Variants in SPC25 observed in about 807,000 individuals in gnomAD.
The protein encoded by SPC25 is SPC25 component of NDC80 kinetochore complex.
A neutral mutation model predicts 29.6 loss-of-function variants in SPC25; 22 were observed. That is an observed-to-expected ratio of 0.74 (90% confidence interval 0.53 to 1.06). SPC25 has a LOEUF of 1.06. SPC25 is among the 50% of genes least tolerant of loss of function. The pLI, the probability that SPC25 is intolerant of heterozygous loss-of-function variation, is 0.00. For synonymous variants in SPC25, 91 were observed against 90.4 expected, an observed-to-expected ratio of 1.01 and a Z score of -0.04; for missense variants, 230 against 255.8, an observed-to-expected ratio of 0.90 and a Z score of 0.69.
intron 4 of SPC25, chr2:168,865,057 A>T: frequency 6.9e-7 from 1 of 1,441,064 alleles, no homozygotes; most frequent in Non-Finnish European, 9.5e-7. Flanking sequence ...TTACCTTTAC[A>T]TGTTTTTCTT....
At chr2:168,862,154 A>AAATC (rs1348877538) in intron 4 of SPC25, 1 of 929,020 alleles carries the variant, frequency 1.1e-6, no homozygotes, top group African/African-American at 1.6e-5. Flanking sequence ...CTACCATGTC[A>AAATC]AATCAGTTCA....
Position 168,863,310 on chromosome 2 carries a change from A to G in SPC25, n.419+10275T>C, listed in dbSNP as rs900339597. ...AGACCGAGAATAATGTCCTTTAAGA[A>G]TAGTGATTTATGACTAAGAAAATGT... On this transcript the variant is annotated intron_variant and non_coding_transcript_variant, in intron 4 of 4. Coordinates refer to the SPC25 transcript ENST00000479309. The G allele has an allele frequency of 1.0e-5, 7 of 686,824 alleles. No individual in the cohort carries two copies. The African/African-American group carries it at 1.2e-4, about 11-fold the overall frequency. The allele number at this position is 686,824 out of a possible 1,614,324, so 42.5% of individuals were successfully genotyped here.
Position 168,871,569 on chromosome 2 carries a change from A to G in SPC25, c.551-14T>C. On this transcript the variant is annotated splice_polypyrimidine_tract_variant and intron_variant, in intron 6 of 6. Coordinates refer to ENST00000282074, the MANE Select transcript of SPC25 (RefSeq NM_020675.4). ...CACTATCTGACACTAGAAAAAAAAA[A>G]AAAAGAAATCAAAGACAATTAGAAT... is the stretch of plus-strand genomic sequence containing the variant. 6.4e-7 allele frequency: 1 copy of G among 1,556,026 alleles called. No individual in the cohort carries two copies. Among genetic ancestry groups the G allele is most frequent in the Non-Finnish European group, 8.6e-7 (1 of 1,159,108 alleles).
intron 3 of SPC25, among the ~76,000 whole-genome samples, chr2:168,887,255 T>C (rs113060280): frequency 0.021 from 3,217 of 151,972 alleles, 79 homozygotes; most frequent in African/African-American, 0.057. Flanking sequence ...ACCCCATCTC[T>C]ACTAAAAATA....
At chr2:168,885,682 A>T (rs963939284) in intron 3 of SPC25, among the ~76,000 whole-genome samples, 1 of 152,194 alleles carries the variant, frequency 6.6e-6, no homozygotes, top group African/African-American at 2.4e-5. Context: ...CCCTCTTCCC[A>T]GAATGTAATG....
intron 4 of SPC25, among the ~76,000 whole-genome samples, chr2:168,876,600 C>CTT (rs34758857): frequency 0.78 from 111,332 of 142,738 alleles, 43,511 homozygotes; most frequent in East Asian, 0.9. Flanking sequence ...TTAGTTTTTT[C>CTT]TTTTTTTTTT....
intron 4 of SPC25, chr2:168,863,540 A>G: frequency 2.0e-6 from 2 of 985,290 alleles, no homozygotes; most frequent in African/African-American, 1.7e-5. Flanking sequence ...CCAATTCTCT[A>G]TGGAATTCTC....
At chr2:168,877,118 T>C (rs1380016539) in intron 4 of SPC25, 120 bp downstream of exon 4, 58 of 1,024,486 alleles carry the variant, frequency 5.7e-5, no homozygotes, top group Non-Finnish European at 7.4e-5. Context: ...TGGCTGGTTA[T>C]GCCCTGGGGT....
chr2:168,876,215 A>C (rs777840363), intron 4 of SPC25, 39 bp from the exon 5 acceptor site: 25 of 1,341,604 alleles, frequency 1.9e-5, no homozygotes. Flanking sequence ...TGTTTTAAAT[A>C]ATAGCAAATT....
chr2:168,866,198 C>T (rs1226749110), downstream of SPC25, among the ~76,000 whole-genome samples: 1 of 152,308 alleles, frequency 6.6e-6, no homozygotes, highest in Non-Finnish European at 1.5e-5. Context: ...AAGCCAGAGG[C>T]ATCACGCTAC....
chr2:168,886,050 C>CTT (rs66484575), intron 3 of SPC25, among the ~76,000 whole-genome samples: 81 of 97,076 alleles, frequency 8.3e-4, no homozygotes, highest in South Asian at 3.4e-3. Flanking sequence ...CGAATACAAT[C>CTT]TTTTTTTTTT....
chr2:168,881,459 T>C (rs1559155962), intron 3 of SPC25, among the ~76,000 whole-genome samples: 2 of 152,122 alleles, frequency 1.3e-5, no homozygotes, highest in Admixed American at 6.5e-5. Flanking sequence ...TTGGGGCCCA[T>C]TGCACAGAGA....
Position 168,862,066 on chromosome 2 carries a change from A to C in SPC25, n.419+11519T>G. ...TGGAAAAGGGTAAGAATCATTCTCA[A>C]ATATTTTAATTGCCTTCCCATATTG... On this transcript the variant is annotated intron_variant and non_coding_transcript_variant, in intron 4 of 4. Transcript: ENST00000479309. The C allele has an allele frequency of 3.1e-6, 5 of 1,604,620 alleles. No homozygotes were observed. In the South Asian group the frequency reaches 5.5e-5, roughly 18 times the overall value.
intron 3 of SPC25, among the ~76,000 whole-genome samples, chr2:168,889,002 C>T (rs1342161054): frequency 5.7e-5 from 7 of 121,830 alleles, no homozygotes; most frequent in African/African-American, 2.0e-4. Flanking sequence ...TATATATATA[C>T]ACATATATGT....
Position 168,877,226 on chromosome 2 carries a change from G to GA in SPC25, c.346+11dup. 6.2e-7 allele frequency: 1 copy of GA among 1,611,442 alleles called. No individual in the cohort carries two copies. Among genetic ancestry groups the GA allele is most frequent in the Admixed American group, 1.7e-5 (1 of 59,740 alleles). On this transcript the variant is annotated intron_variant, in intron 4 of 6. Transcript: ENST00000282074. ...CCATTTTAGATCAGTATGTTTATAA[G>GA]AGGAAACTTACTTTCCTTCTTCCTA... is the stretch of plus-strand genomic sequence containing the variant.
chr2:168,868,771 A>T (rs1019703254), downstream of SPC25, among the ~76,000 whole-genome samples: 1 of 152,254 alleles, frequency 6.6e-6, no homozygotes, highest in South Asian at 2.1e-4. Flanking sequence ...GAATTCTACC[A>T]GAGGTACAAG....
intron 3 of SPC25, among the ~76,000 whole-genome samples, chr2:168,879,127 T>C (rs774746025): frequency 6.6e-6 from 1 of 152,242 alleles, no homozygotes; most frequent in Non-Finnish European, 1.5e-5. Context: ...GGCTGCTGAC[T>C]GATCAGAGTG....
downstream of SPC25, among the ~76,000 whole-genome samples, chr2:168,866,503 A>G (rs1689856136): frequency 6.6e-6 from 1 of 152,272 alleles, no homozygotes; most frequent in East Asian, 1.9e-4. Flanking sequence ...CTTACATGTC[A>G]GACCTAAAAC....
chr2:168,884,077 G>A (rs1286922174), intron 3 of SPC25, among the ~76,000 whole-genome samples: 3 of 152,002 alleles, frequency 2.0e-5, no homozygotes, highest in Non-Finnish European at 4.4e-5. Context: ...CCTGCTGTGT[G>A]ACTATTATTA....
Sources: gnomAD v4.1 joint callset for allele counts (sites outside exome capture counted in the v4.1 genomes callset) on GRCh38, gnomAD v4.1.1 for gene constraint, MANE v1.5 for transcripts, NCBI Gene and HGNC (gene_info 2026-07-23, HGNC 2026-07-21) for gene names.